Variants in LRRTM4 observed in about 807,000 individuals in gnomAD.
LRRTM4 encodes leucine-rich repeat transmembrane neuronal protein 4.
LRRTM4 carries 25 observed loss-of-function variants against 47.6 expected under a neutral mutation model. That is an observed-to-expected ratio of 0.53 (90% CI 0.38 to 0.73). LRRTM4 has a LOEUF of 0.73. LRRTM4 is among the 30% of genes least tolerant of loss of function. The pLI is 0.00. For synonymous variants in LRRTM4, 311 were observed against 269.5 expected (o/e 1.15, Z -1.51); for missense variants, 638 against 713.4 (o/e 0.89, Z 1.20).
rs370396174 is a variant in LRRTM4 at position 76,796,087 on chromosome 2, C to A, written c.1552-47171G>T. Reference sequence around the variant, plus strand: ...CCTGGAAAATCGGGTCACTCCCACCCGAATACTGCGCTTTTCAGACAGGCT... The same window carrying A: ...CCTGGAAAATCGGGTCACTCCCACCAGAATACTGCGCTTTTCAGACAGGCT... On this transcript the variant is annotated intron_variant, in intron 3 of 3. Transcript: ENST00000409884. Among the ~76,000 whole-genome samples, 6 of 133,138 alleles carry A rather than the reference C, an allele frequency of 4.5e-5. 1 individual carries two copies. The highest frequency in any genetic ancestry group is 6.4e-5 in the Non-Finnish European group (4 of 62,330). The allele number at this position is 133,138 out of a possible 152,430, so 87.3% of individuals were successfully genotyped here.
At chr2:77,315,081 T>A (rs1677580038) in intron 3 of LRRTM4, among the ~76,000 whole-genome samples, 1 of 152,178 alleles carries the variant, frequency 6.6e-6, no homozygotes, top group African/African-American at 2.4e-5. Context: ...TACAACAGGT[T>A]TATTAGGAAG....
At chr2:77,231,887 A>G (rs1304846357) in intron 3 of LRRTM4, among the ~76,000 whole-genome samples, 1 of 152,224 alleles carries the variant, frequency 6.6e-6, no homozygotes, top group Non-Finnish European at 1.5e-5. Context: ...CCAGGATGAA[A>G]AACTGTTTTC....
intron 3 of LRRTM4, among the ~76,000 whole-genome samples, chr2:77,027,379 AAT>A (rs756776697): frequency 7.2e-5 from 11 of 152,172 alleles, no homozygotes; most frequent in Non-Finnish European, 2.9e-5. Context: ...TAGTAGAATG[AAT>A]AGTCACAGCA....
chr2:77,421,779 G>T lies in LRRTM4; in HGVS notation c.1551+96539C>A, dbSNP rs79667517. Among the ~76,000 whole-genome samples the T allele has an allele frequency of 1.6e-4, 25 of 151,636 alleles. No homozygotes were observed. The South Asian group carries it at 4.6e-3, about 28-fold the overall frequency. The stretch of plus-strand genomic sequence containing the variant: ...GCACAGAACAACTCCTCATAACAAA[G>T]AATTATCTAGTCCAAAACCGTCAAT... On this transcript the variant is annotated intron_variant, in intron 3 of 3. Coordinates refer to ENST00000409884, the MANE Select transcript of LRRTM4 (RefSeq NM_001134745.3).
chr2:77,311,723 T>G (rs1416482849), intron 3 of LRRTM4, among the ~76,000 whole-genome samples: 1 of 152,066 alleles, frequency 6.6e-6, no homozygotes. Context: ...TGAGCAATAA[T>G]GATGGGAAGA....
chr2:77,334,010 C>A (rs1175826788), intron 3 of LRRTM4, among the ~76,000 whole-genome samples: 1 of 152,154 alleles, frequency 6.6e-6, no homozygotes, highest in Non-Finnish European at 1.5e-5. Flanking sequence ...CATTTTGGAG[C>A]TTTAATATTT....
chr2:76,817,225 A>C (rs961195072), intron 3 of LRRTM4, among the ~76,000 whole-genome samples: 1 of 151,968 alleles, frequency 6.6e-6, no homozygotes, highest in African/African-American at 2.4e-5. Context: ...GTATCAATGA[A>C]TCAAGAAATT....
intron 3 of LRRTM4, among the ~76,000 whole-genome samples, chr2:76,769,497 G>A (rs186413819): frequency 5.7e-4 from 87 of 151,634 alleles, no homozygotes; most frequent in African/African-American, 2.1e-3. Context: ...GATTTGAGAC[G>A]TCTCTAAATA....
At chr2:76,796,278 AAAGCAGCCAG>A (rs1675320579) in intron 3 of LRRTM4, among the ~76,000 whole-genome samples, 1 of 73,566 alleles carries the variant, frequency 1.4e-5, no homozygotes, top group South Asian at 5.2e-4. Context: ...TTAGGTAAAC[AAAGCAGCCAG>A]GAAGCTCCAA....
intron 3 of LRRTM4, among the ~76,000 whole-genome samples, chr2:76,879,517 A>G (rs1468499107): frequency 6.6e-6 from 1 of 152,218 alleles, no homozygotes; most frequent in Admixed American, 6.5e-5. Context: ...TGGTAATAAA[A>G]CATTGCTTTC....
At position 77,518,626 on chromosome 2, in the gene LRRTM4, G is replaced by C. The variant is rs1310118548; in HGVS notation, c.1243C>G (p.Gln415Glu). Residue 415 changes from glutamine to glutamate, a missense_variant, in exon 3 of 4, where the codon CAA (glutamine) becomes GAA (glutamate). Coordinates refer to ENST00000409884, the MANE Select transcript of LRRTM4 (RefSeq NM_001134745.3). ...SPGFQIPGAE[Q>E]EYEHVSFHKI... ...TGAAATGAAACATGCTCATACTCTT[G>C]CTCTGCGCCAGGAATCTGAAACCCT... 5.6e-6 allele frequency: 9 copies of C among 1,613,296 alleles called. No homozygotes were observed. The highest frequency in any genetic ancestry group is 7.6e-6 in the Non-Finnish European group (9 of 1,179,632).
At chr2:77,290,271 G>A (rs951816166) in intron 3 of LRRTM4, among the ~76,000 whole-genome samples, 1 of 151,864 alleles carries the variant, frequency 6.6e-6, no homozygotes, top group Non-Finnish European at 1.5e-5. Context: ...TGAATTCAAT[G>A]GTGTCTCATT....
At chr2:77,076,711 G>C (rs912262959) in intron 3 of LRRTM4, among the ~76,000 whole-genome samples, 2 of 152,134 alleles carry the variant, frequency 1.3e-5, no homozygotes, top group African/African-American at 2.4e-5. Context: ...CAAATGAGTA[G>C]AATGTTTATG....
At chr2:76,792,711 A>T (rs1014275666) in intron 3 of LRRTM4, among the ~76,000 whole-genome samples, 3 of 151,626 alleles carry the variant, frequency 2.0e-5, no homozygotes, top group African/African-American at 7.3e-5. Context: ...TCTTTGTGCC[A>T]CTCTCCCTAC....
intron 3 of LRRTM4, among the ~76,000 whole-genome samples, chr2:77,204,124 A>G (rs962098346): frequency 2.0e-5 from 3 of 152,146 alleles, no homozygotes; most frequent in Non-Finnish European, 4.4e-5. Flanking sequence ...TATGAACCAA[A>G]GATTGCATCT....
chr2:77,170,210 G>C (rs1249878150), intron 3 of LRRTM4, among the ~76,000 whole-genome samples: 1 of 152,068 alleles, frequency 6.6e-6, no homozygotes, highest in African/African-American at 2.4e-5. Flanking sequence ...TTAAGAGTGG[G>C]AAGAGGAAGG....
chr2:76,843,381 C>T (rs1200381476), intron 3 of LRRTM4, among the ~76,000 whole-genome samples: 1 of 151,964 alleles, frequency 6.6e-6, no homozygotes, highest in Non-Finnish European at 1.5e-5. Flanking sequence ...AGTTATAGTC[C>T]TAGACTCTCT....
At chr2:76,904,663 T>C (rs1053433509) in intron 3 of LRRTM4, among the ~76,000 whole-genome samples, 1 of 152,156 alleles carries the variant, frequency 6.6e-6, no homozygotes, top group African/African-American at 2.4e-5. Flanking sequence ...AGAAGCGTGT[T>C]GGCACATTGG....
intron 3 of LRRTM4, among the ~76,000 whole-genome samples, chr2:76,986,500 GTTGT>G (rs1186157933): frequency 6.6e-6 from 1 of 151,878 alleles, no homozygotes; most frequent in Non-Finnish European, 1.5e-5. Context: ...GAAACCAATA[GTTGT>G]TTGTGCTTTT....
Sources: allele counts gnomAD v4.1 joint callset (sites outside exome capture counted in the v4.1 genomes callset), GRCh38; gene constraint gnomAD v4.1.1; transcripts MANE v1.5; gene names NCBI Gene and HGNC (gene_info 2026-07-23, HGNC 2026-07-21).